The following SPMAP2L variants were observed in gnomAD, a reference collection of about 807,000 sequenced individuals.
The protein encoded by SPMAP2L is sperm microtubule associated protein 2-like.
chr4:56,535,728 C>T, the SPMAP2L span, among the ~76,000 whole-genome samples: 3 of 152,170 alleles, frequency 2.0e-5, no homozygotes, highest in Non-Finnish European at 4.4e-5. Context: ...TTGTCTTGCA[C>T]CATCCCCGGT....
At chr4:56,548,838 T>C in the SPMAP2L span, 1 of 1,463,406 alleles carries the variant, frequency 6.8e-7, no homozygotes, top group East Asian at 2.6e-5. Context: ...GACATAGTTA[T>C]AGTACTATTT....
At chr4:56,618,837 G>T in the SPMAP2L span, among the ~76,000 whole-genome samples, 2 of 152,190 alleles carry the variant, frequency 1.3e-5, no homozygotes, top group Middle Eastern at 6.3e-3. Flanking sequence ...GCCAGCCGGG[G>T]TGTTTGAAAA....
the SPMAP2L span, chr4:56,600,941 C>T: frequency 3.3e-6 from 5 of 1,533,954 alleles, no homozygotes; most frequent in Non-Finnish European, 4.4e-6. Context: ...TAGGTACCTC[C>T]TGCTGCCATG....
the SPMAP2L span, chr4:56,531,060 C>T: frequency 1.4e-4 from 220 of 1,535,400 alleles, 1 homozygote; most frequent in Non-Finnish European, 1.9e-4. Context: ...GTGAGCCCCG[C>T]AAGTCCCGCG....
chr4:56,573,849 A>G, the SPMAP2L span, among the ~76,000 whole-genome samples: 1 of 151,932 alleles, frequency 6.6e-6, no homozygotes, highest in Non-Finnish European at 1.5e-5. Flanking sequence ...AGCAAGGGGG[A>G]TACAGTCTTA....
chr4:56,593,948 C>T, the SPMAP2L span: 29 of 1,608,308 alleles, frequency 1.8e-5, no homozygotes, highest in Middle Eastern at 3.9e-4. Context: ...TCAACTCCAG[C>T]ATGACGTGTT....
At chr4:56,550,342 A>G in the SPMAP2L span, among the ~76,000 whole-genome samples, 1 of 152,036 alleles carries the variant, frequency 6.6e-6, no homozygotes, top group Non-Finnish European at 1.5e-5. Context: ...AGCAAATACT[A>G]CTACCTTATT....
At chr4:56,531,856 T>A in the SPMAP2L span, among the ~76,000 whole-genome samples, 1 of 152,156 alleles carries the variant, frequency 6.6e-6, no homozygotes, top group Non-Finnish European at 1.5e-5. Context: ...GGAAACCAAT[T>A]TTTATCTTAT....
chr4:56,612,962 T>C, the SPMAP2L span, among the ~76,000 whole-genome samples: 6 of 152,192 alleles, frequency 3.9e-5, no homozygotes, highest in African/African-American at 1.4e-4. Flanking sequence ...TTTATTTCCA[T>C]GCTTGGGGTG....
the SPMAP2L span, among the ~76,000 whole-genome samples, chr4:56,552,116 G>A: frequency 6.6e-6 from 1 of 152,212 alleles, no homozygotes; most frequent in Admixed American, 6.5e-5. Flanking sequence ...AGAGGGGATT[G>A]AGTGGTACCA....
At chr4:56,562,355 TA>T in the SPMAP2L span, among the ~76,000 whole-genome samples, 140 of 144,804 alleles carry the variant, frequency 9.7e-4, 3 homozygotes, top group South Asian at 5.9e-3. Context: ...TTTTGCCCTT[TA>T]AAAAAAAAAA....
chr4:56,590,672 T>G, the SPMAP2L span, among the ~76,000 whole-genome samples: 1 of 152,254 alleles, frequency 6.6e-6, no homozygotes, highest in Admixed American at 6.5e-5. Flanking sequence ...GGAAAGGAAC[T>G]GTATCTTATT....
chr4:56,594,121 T>C, the SPMAP2L span: 1 of 1,608,058 alleles, frequency 6.2e-7, no homozygotes, highest in Non-Finnish European at 8.5e-7. Context: ...TGCGGATCTT[T>C]GTTTGTGAGT....
the SPMAP2L span, chr4:56,593,980 G>A: frequency 1.2e-6 from 2 of 1,610,314 alleles, no homozygotes; most frequent in Non-Finnish European, 1.7e-6. Flanking sequence ...TGAAGATTCA[G>A]TGTGGCTGCT....
the SPMAP2L span, chr4:56,593,539 T>C: frequency 2.5e-6 from 4 of 1,599,914 alleles, no homozygotes; most frequent in South Asian, 2.2e-5. Flanking sequence ...TGTGTGCTAC[T>C]GACCTTTTAG....
chr4:56,584,309 A>C, the SPMAP2L span, among the ~76,000 whole-genome samples: 1 of 152,118 alleles, frequency 6.6e-6, no homozygotes, highest in African/African-American at 2.4e-5. Flanking sequence ...TGTACTTCTT[A>C]CTGTGGATCA....
At chr4:56,605,544 T>C in the SPMAP2L span, among the ~76,000 whole-genome samples, 2 of 152,230 alleles carry the variant, frequency 1.3e-5, no homozygotes, top group Non-Finnish European at 2.9e-5. Context: ...TTGTTTTTAC[T>C]TCAACTCATT....
the SPMAP2L span, among the ~76,000 whole-genome samples, chr4:56,578,680 A>G: frequency 6.6e-6 from 1 of 152,180 alleles, no homozygotes; most frequent in Non-Finnish European, 1.5e-5. Context: ...CCAACCAAAA[A>G]AGACCTGGAT....
At chr4:56,575,690 A>T in the SPMAP2L span, 47 of 1,506,406 alleles carry the variant, frequency 3.1e-5, no homozygotes, top group African/African-American at 6.4e-4. Flanking sequence ...ATTTGGCCAG[A>T]TGTCTTAGTA....
Sources: allele counts gnomAD v4.1 joint callset (sites outside exome capture counted in the v4.1 genomes callset), GRCh38; gene constraint gnomAD v4.1.1; transcripts MANE v1.5; gene names NCBI Gene and HGNC (gene_info 2026-07-23, HGNC 2026-07-21).